FRMPD2: variants seen among roughly 807,000 people sequenced by gnomAD.
The protein encoded by FRMPD2 is FERM and PDZ domain-containing protein 2.
In FRMPD2, 96 loss-of-function variants were observed where a neutral mutation model predicts 140.1. The ratio of observed to expected loss-of-function variants is 0.69; its 90% confidence interval spans 0.58 to 0.81. FRMPD2 has a LOEUF of 0.81. Ranked by LOEUF, FRMPD2 falls within the 40% of genes least tolerant of loss-of-function variation. FRMPD2 has a pLI of 0.00. For synonymous variants in FRMPD2, 449 were observed against 547.6 expected, an observed-to-expected ratio of 0.82 and a Z score of 2.52; for missense variants, 1,240 against 1,447.4, an observed-to-expected ratio of 0.86 and a Z score of 2.32.
chr10:48,201,375 A>G lies in FRMPD2; in HGVS notation c.1807T>C (p.Phe603Leu), dbSNP rs902601316. Reference sequence around the variant, plus strand: ...CCAGTGACACTGCTTGTGATGGTGAACTTTTTTTGCTGAAGGAAGCAAACA... The same window carrying G: ...CCAGTGACACTGCTTGTGATGGTGAGCTTTTTTTGCTGAAGGAAGCAAACA... ...TGKISTYQKKFTITSSVTGKK... is the reference protein window; with the variant it reads ...TGKISTYQKKLTITSSVTGKK... Residue 603 changes from phenylalanine to leucine, a missense_variant, in exon 15 of 29, where the codon TTC (phenylalanine) becomes CTC (leucine). Transcript: ENST00000374201. The G allele has an allele frequency of 6.2e-7, 1 of 1,613,466 alleles. No homozygotes were observed. Among genetic ancestry groups the G allele is most frequent in the Admixed American group, 1.7e-5 (1 of 59,970 alleles).
chr10:48,211,028 GT>G (rs938466391), intron 13 of FRMPD2, among the ~76,000 whole-genome samples: 2 of 152,230 alleles, frequency 1.3e-5, no homozygotes, highest in African/African-American at 4.8e-5. Flanking sequence ...TCTCTCCCTG[GT>G]CCCCACATCT....
At chr10:48,216,332 T>TGAC (rs1378189084) in intron 12 of FRMPD2, among the ~76,000 whole-genome samples, 2 of 126,168 alleles carry the variant, frequency 1.6e-5, no homozygotes, top group Non-Finnish European at 3.5e-5. Flanking sequence ...AGATAGATGA[T>TGAC]AAATAGATGG....
chr10:48,203,418 T>C (rs746663381), intron 14 of FRMPD2, among the ~76,000 whole-genome samples: 3 of 152,166 alleles, frequency 2.0e-5, no homozygotes, highest in Non-Finnish European at 2.9e-5. Flanking sequence ...ATAACTCCAG[T>C]CTCTGGGTTT....
rs4838398 is a variant in FRMPD2, at chr10:48,192,752, C to T, written c.2097G>A (p.Leu699=). The T allele has an allele frequency of 6.2e-7, 1 of 1,614,168 alleles. No homozygotes were observed. Among genetic ancestry groups the T allele is most frequent in the Non-Finnish European group, 8.5e-7 (1 of 1,180,030 alleles). ...CGTTGAAGTTATCCATTGATGTACTCAGCAGGCCTCCTGCAGCACCCTGAA... is the reference window on the plus strand; with the variant it reads ...CGTTGAAGTTATCCATTGATGTACTTAGCAGGCCTCCTGCAGCACCCTGAA... ...SRLQGAAGGL[L]STSMDNFNVD... The change falls in exon 16 of 29, where the codon CTG becomes CTA. Residue 699 remains leucine (L), a synonymous_variant. Coordinates refer to ENST00000374201, the MANE Select transcript of FRMPD2 (RefSeq NM_001018071.4).
chr10:48,193,912 T>A (rs1184265686), intron 15 of FRMPD2, among the ~76,000 whole-genome samples: 5 of 151,926 alleles, frequency 3.3e-5, no homozygotes, highest in Middle Eastern at 3.4e-3. Context: ...GCCAGCCTTT[T>A]AAAAAAAAAC....
intron 14 of FRMPD2, among the ~76,000 whole-genome samples, chr10:48,203,244 A>G (rs941407562): frequency 1.1e-4 from 17 of 152,348 alleles, no homozygotes; most frequent in African/African-American, 3.4e-4. Flanking sequence ...TTCAGATGCC[A>G]GTGCTCCAAG....
intron 14 of FRMPD2, among the ~76,000 whole-genome samples, chr10:48,204,721 A>T (rs1431599638): frequency 1.3e-5 from 2 of 152,086 alleles, no homozygotes; most frequent in Admixed American, 1.3e-4. Flanking sequence ...CTTTCATGCC[A>T]TCTTTTGTAA....
At chr10:48,246,764 C>G (rs1484426365) in intron 3 of FRMPD2, among the ~76,000 whole-genome samples, 1 of 152,170 alleles carries the variant, frequency 6.6e-6, no homozygotes, top group Non-Finnish European at 1.5e-5. Flanking sequence ...TCTCCTAGCT[C>G]CTAGCTGCCC....
chr10:48,262,771 T>G (rs1489480613), intron 1 of FRMPD2, among the ~76,000 whole-genome samples: 1 of 152,172 alleles, frequency 6.6e-6, no homozygotes, highest in Non-Finnish European at 1.5e-5. Flanking sequence ...TTTATTTATG[T>G]TTATTTATGT....
Position 48,200,562 on chromosome 10 carries a change from C to T in FRMPD2, c.1954+666G>A, listed in dbSNP as rs1335304669. 2.3e-4 allele frequency among the ~76,000 whole-genome samples: 35 copies of T among 152,142 alleles called. 1 individual carries two copies. Among genetic ancestry groups the T allele is most frequent in the Admixed American group, 2.3e-3 (35 of 15,288 alleles). On this transcript the variant is annotated intron_variant, in intron 15 of 28. Transcript: ENST00000374201. ...ACTGTGACAGGAATAAAGTCTTTTT[C>T]CTTCGAATTCCTTTTCCAAGAACTT... is the stretch of plus-strand genomic sequence containing the variant.
At chr10:48,266,424 T>G (rs1840678664) in intron 1 of FRMPD2, among the ~76,000 whole-genome samples, 1 of 152,100 alleles carries the variant, frequency 6.6e-6, no homozygotes, top group South Asian at 2.1e-4. Flanking sequence ...TTCTTCAATT[T>G]AAAAAAGAGA....
intron 21 of FRMPD2, chr10:48,178,994 T>G (rs550464628): frequency 2.0e-5 from 3 of 151,626 alleles, no homozygotes; most frequent in Non-Finnish European, 2.9e-5. Flanking sequence ...GGAGCTTCCA[T>G]GAGCTAATAC....
intron 16 of FRMPD2, among the ~76,000 whole-genome samples, chr10:48,191,850 AT>A (rs1260676978): frequency 6.6e-6 from 1 of 152,218 alleles, no homozygotes; most frequent in African/African-American, 2.4e-5. Flanking sequence ...TTACATATAA[AT>A]TTAAATGATA....
intron 22 of FRMPD2, among the ~76,000 whole-genome samples, chr10:48,177,083 C>A (rs1838428837): frequency 6.6e-6 from 1 of 151,326 alleles, no homozygotes; most frequent in South Asian, 2.1e-4. Flanking sequence ...CAGACCCATT[C>A]CAGGGTCTGA....
At chr10:48,191,233 C>T (rs1240884454) in intron 16 of FRMPD2, among the ~76,000 whole-genome samples, 2 of 152,120 alleles carry the variant, frequency 1.3e-5, no homozygotes, top group Non-Finnish European at 2.9e-5. Context: ...AGAGGGGCTC[C>T]GTGAGCACTG....
In FRMPD2 at chr10:48,244,821, A is replaced by G. The variant is rs1361234945; in HGVS notation, c.338T>C (p.Leu113Pro). 6.2e-7 allele frequency: 1 copy of G among 1,613,354 alleles called. No homozygotes were observed. The highest frequency in any genetic ancestry group is 1.7e-5 in the Admixed American group (1 of 60,008). The change falls in exon 4 of 29, where the codon CTC becomes CCC. Residue 113 changes from leucine (L) to proline (P), a missense_variant. Transcript: ENST00000374201. ...QMHVYSLGMT[L>P]YWSAGFHVPP... is the part of the protein sequence containing the mutation. ...AACATGAAACCCTGCTGACCAGTAG[A>G]GGGTCATTCCTAAAGAATAGACATG...
intron 1 of FRMPD2, among the ~76,000 whole-genome samples, chr10:48,264,247 T>C (rs1181364473): frequency 6.6e-6 from 1 of 151,512 alleles, no homozygotes; most frequent in East Asian, 1.9e-4. Context: ...TACAAAGATG[T>C]CCCCTCTCAC....
intron 11 of FRMPD2, 138 bp downstream of exon 11, chr10:48,222,985 A>G (rs1157419241): frequency 2.5e-6 from 2 of 804,706 alleles, no homozygotes; most frequent in Non-Finnish European, 3.9e-6. Flanking sequence ...TCCAATCAAC[A>G]GAAAACCAAC....
intron 20 of FRMPD2, among the ~76,000 whole-genome samples, chr10:48,182,145 T>C (rs1838567989): frequency 6.6e-6 from 1 of 152,176 alleles, no homozygotes; most frequent in African/African-American, 2.4e-5. Context: ...TTAATGAATT[T>C]GATTTGAAGT....
Sources: allele counts gnomAD v4.1 joint callset (sites outside exome capture counted in the v4.1 genomes callset), GRCh38; gene constraint gnomAD v4.1.1; transcripts MANE v1.5; gene names NCBI Gene and HGNC (gene_info 2026-07-23, HGNC 2026-07-21).